Variants in STEAP4 observed in about 807,000 individuals in gnomAD.
STEAP4 encodes the protein metalloreductase STEAP4.
A neutral mutation model predicts 43.6 loss-of-function variants in STEAP4; 36 were observed. The ratio of observed to expected loss-of-function variants is 0.83; its 90% CI spans 0.63 to 1.09. STEAP4 has a LOEUF of 1.09. Ranked by LOEUF, STEAP4 falls within the 50% of genes least tolerant of loss-of-function variation. The pLI is 0.00. For missense variants in STEAP4, 495 were observed against 546.5 expected, an observed-to-expected ratio of 0.91 and a Z score of 0.94; for synonymous variants, 191 against 196.7, an observed-to-expected ratio of 0.97 and a Z score of 0.24.
chr7:88,287,033 G>C (rs991482170), intron 1 of STEAP4, among the ~76,000 whole-genome samples: 1 of 152,130 alleles, frequency 6.6e-6, no homozygotes, highest in African/African-American at 2.4e-5. Context: ...ACCCTGGGAG[G>C]TTACTAAGAG....
chr7:88,297,374 G>A (rs1049076107), intron 1 of STEAP4, among the ~76,000 whole-genome samples: 5 of 152,162 alleles, frequency 3.3e-5, no homozygotes, highest in African/African-American at 1.2e-4. Flanking sequence ...TCAGAGCAGA[G>A]TGATGGAATA....
At chr7:88,292,462 A>G (rs1852851224) in intron 1 of STEAP4, 1 of 152,018 alleles carries the variant, frequency 6.6e-6, no homozygotes, top group Non-Finnish European at 1.5e-5. Flanking sequence ...AATCAATCAA[A>G]CTTTTGTTTG....
intron 1 of STEAP4, among the ~76,000 whole-genome samples, chr7:88,298,835 T>C (rs1041330138): frequency 2.0e-5 from 3 of 152,210 alleles, no homozygotes; most frequent in Non-Finnish European, 4.4e-5. Context: ...ATTTCAATTG[T>C]TTTGTGAGAA....
intron 1 of STEAP4, among the ~76,000 whole-genome samples, chr7:88,284,806 A>G (rs1486746059): frequency 6.6e-6 from 1 of 152,150 alleles, no homozygotes; most frequent in Non-Finnish European, 1.5e-5. Context: ...ATATCTGTGT[A>G]TGTTAAAAGG....
At chr7:88,302,607 G>A (rs935300735) in intron 1 of STEAP4, among the ~76,000 whole-genome samples, 4 of 152,104 alleles carry the variant, frequency 2.6e-5, no homozygotes, top group Non-Finnish European at 5.9e-5. Flanking sequence ...CAGTGCTGGT[G>A]CCATCAGCTC....
chr7:88,299,075 T>C (rs1025585146), intron 1 of STEAP4, among the ~76,000 whole-genome samples: 1 of 149,232 alleles, frequency 6.7e-6, no homozygotes, highest in Middle Eastern at 3.4e-3. Context: ...TGATTGTTAG[T>C]AATATTTTAC....
chr7:88,282,614 G>A (rs1852639487), intron 3 of STEAP4, 27 bp downstream of exon 3: 3 of 1,588,562 alleles, frequency 1.9e-6, no homozygotes, highest in Non-Finnish European at 2.6e-6. Flanking sequence ...TTCAGGAGCA[G>A]AAGAAAATAT....
intron 3 of STEAP4, 60 bp from the exon 4 acceptor site, chr7:88,281,139 G>T: frequency 7.3e-7 from 1 of 1,379,252 alleles, no homozygotes; most frequent in Non-Finnish European, 9.5e-7. Flanking sequence ...TTTACAAACT[G>T]CCCACACTTT....
intron 4 of STEAP4, among the ~76,000 whole-genome samples, chr7:88,279,958 C>T (rs1264053273): frequency 6.6e-6 from 1 of 152,136 alleles, no homozygotes; most frequent in Non-Finnish European, 1.5e-5. Flanking sequence ...TATTTATCAT[C>T]TTTTCTAGAG....
rs115290014 is a variant in STEAP4, at chr7:88,288,520, T to G, written c.-2-4249A>C. Among the ~76,000 whole-genome samples, 727 of 152,274 alleles carry G rather than the reference T, an allele frequency of 4.8e-3. 5 individuals are homozygous for G. The highest frequency in any genetic ancestry group is 0.016 in the African/African-American group (681 of 41,548). ...ACTAGAACAGAACTAGAAGAAACCATGGAACATTCTTTTATAATCTTAGAG... is the reference window on the plus strand; with the variant it reads ...ACTAGAACAGAACTAGAAGAAACCAGGGAACATTCTTTTATAATCTTAGAG... On this transcript the variant is annotated intron_variant, in intron 1 of 4. Coordinates refer to ENST00000380079, the MANE Select transcript of STEAP4 (RefSeq NM_024636.4).
At chr7:88,289,626 G>A (rs1241642563) in intron 1 of STEAP4, among the ~76,000 whole-genome samples, 1 of 152,210 alleles carries the variant, frequency 6.6e-6, no homozygotes, top group Non-Finnish European at 1.5e-5. Flanking sequence ...GAAGTTATGG[G>A]AGAAAGGGAC....
intron 1 of STEAP4, among the ~76,000 whole-genome samples, chr7:88,296,166 A>G (rs28489105): frequency 0.011 from 1,604 of 152,304 alleles, 28 homozygotes; most frequent in African/African-American, 0.037. Context: ...CGGTACCCCT[A>G]ATAGCAACTA....
chr7:88,299,256 T>C (rs1034175365), intron 1 of STEAP4, among the ~76,000 whole-genome samples: 1 of 152,202 alleles, frequency 6.6e-6, no homozygotes, highest in Admixed American at 6.5e-5. Flanking sequence ...GCAGTATCTG[T>C]CAAGATAAAT....
chr7:88,283,623 C>A, intron 2 of STEAP4, 191 bp downstream of exon 2: 1 of 654,812 alleles, frequency 1.5e-6, no homozygotes, highest in Non-Finnish European at 2.5e-6. Flanking sequence ...TCTGAGGGTG[C>A]AGACAGTGGG....
At chr7:88,281,600 G>C (rs532401390) in intron 3 of STEAP4, 1 of 152,208 alleles carries the variant, frequency 6.6e-6, no homozygotes, top group East Asian at 1.9e-4. Context: ...GTATTTGTTG[G>C]GAAAATAATG....
At position 88,279,407 on chromosome 7, in the gene STEAP4, T is replaced by C; in HGVS notation, c.1371A>G (p.Ser457=). ...CCATTCAATGCTTTTTCTAGTGTTTTGAGTTCCTTTCCCAGCCCTGGCGGA... is the reference window on the plus strand; with the variant it reads ...CCATTCAATGCTTTTTCTAGTGTTTCGAGTTCCTTTCCCAGCCCTGGCGGA... ...TRIRQGWERN[S]KH Residue 457 remains serine, a synonymous_variant, in exon 5 of 5, where the codon TCA becomes TCG. Coordinates refer to ENST00000380079, the MANE Select transcript of STEAP4 (RefSeq NM_024636.4). 1 of 1,613,792 alleles carries C rather than the reference T, an allele frequency of 6.2e-7. No individual in the cohort carries two copies. Among genetic ancestry groups the C allele is most frequent in the Middle Eastern group, 1.7e-4 (1 of 6,060 alleles).
intron 4 of STEAP4, among the ~76,000 whole-genome samples, chr7:88,280,016 G>C (rs1433182669): frequency 6.6e-6 from 1 of 152,148 alleles, no homozygotes; most frequent in Non-Finnish European, 1.5e-5. Flanking sequence ...CACCATCTTA[G>C]TATATGTTAC....
chr7:88,283,102 G>A lies in STEAP4; in HGVS notation c.523C>T (p.Leu175Phe), dbSNP rs1177301313. The A allele has an allele frequency of 2.5e-6, 4 of 1,604,914 alleles. No homozygotes were observed. The South Asian group carries it at 3.4e-5, about 13-fold the overall frequency. The change falls in exon 3 of 5, where the codon CTT becomes TTT. Residue 175 changes from leucine (L) to phenylalanine (F), a missense_variant. Leu to Phe is a conservative substitution (Grantham distance 22, BLOSUM62 0). Coordinates refer to ENST00000380079, the MANE Select transcript of STEAP4 (RefSeq NM_024636.4). ...AGTGATCCTTGATCCATTGGAGTAAGTCCAAGATTACGAACAATATCCATC... is the reference window on the plus strand; with the variant it reads ...AGTGATCCTTGATCCATTGGAGTAAATCCAAGATTACGAACAATATCCATC... ...RVMDIVRNLG[L>F]TPMDQGSLMA...
chr7:88,284,542 C>A (rs1376097297), intron 1 of STEAP4, among the ~76,000 whole-genome samples: 1 of 151,882 alleles, frequency 6.6e-6, no homozygotes, highest in Admixed American at 6.6e-5. Context: ...GGATACAGGG[C>A]AAAATCTGAC....
Sources: allele counts gnomAD v4.1 joint callset (sites outside exome capture counted in the v4.1 genomes callset), GRCh38; gene constraint gnomAD v4.1.1; transcripts MANE v1.5; gene names NCBI Gene and HGNC (gene_info 2026-07-23, HGNC 2026-07-21).